Variants in OTUD7A observed in about 807,000 individuals in gnomAD.
OTUD7A encodes the protein OTU domain-containing protein 7A.
OTUD7A carries 12 observed loss-of-function variants against 65.7 expected under a neutral mutation model. The observed-to-expected ratio is 0.18, with a 90% CI of 0.12 to 0.30. The LOEUF (loss-of-function observed/expected upper bound fraction) is 0.30. OTUD7A is among the 10% of genes least tolerant of loss of function. The probability of loss-of-function intolerance (pLI) is 1.00; values close to 1 mark genes in which losing one functional copy is unlikely to be tolerated. For missense variants in OTUD7A, 1,148 were observed against 1,304.8 expected, an observed-to-expected ratio of 0.88 and a Z score of 1.85; for synonymous variants, 641 against 586.3, an observed-to-expected ratio of 1.09 and a Z score of -1.35.
intron 1 of OTUD7A, among the ~76,000 whole-genome samples, chr15:31,745,835 T>C (rs1229058438): frequency 1.3e-5 from 2 of 152,040 alleles, no homozygotes; most frequent in East Asian, 1.9e-4. Flanking sequence ...ATGGCAACAA[T>C]GAAAAGGCAG....
At chr15:31,674,379 T>C (rs1292172534) in intron 1 of OTUD7A, among the ~76,000 whole-genome samples, 2 of 152,100 alleles carry the variant, frequency 1.3e-5, no homozygotes, top group Non-Finnish European at 1.5e-5. Flanking sequence ...AAGACAGAAC[T>C]GACAGGAATG....
intron 1 of OTUD7A, among the ~76,000 whole-genome samples, chr15:31,820,549 A>G (rs1896652734): frequency 2.0e-5 from 3 of 152,186 alleles, no homozygotes; most frequent in Non-Finnish European, 4.4e-5. Flanking sequence ...TTTTAATCCT[A>G]GTAACAAGAC....
At chr15:31,795,866 C>T (rs1460779479) in intron 1 of OTUD7A, among the ~76,000 whole-genome samples, 4 of 152,148 alleles carry the variant, frequency 2.6e-5, no homozygotes, top group Admixed American at 6.5e-5. Flanking sequence ...CAAAGAAAGA[C>T]AGCACAGGAA....
intron 1 of OTUD7A, among the ~76,000 whole-genome samples, chr15:31,808,140 C>CACACACACAA (rs1272100227): frequency 0.012 from 1,739 of 140,278 alleles, 39 homozygotes; most frequent in Middle Eastern, 0.024. Context: ...CACACACAAA[C>CACACACACAA]AAATCCTCAC....
intron 3 of OTUD7A, among the ~76,000 whole-genome samples, chr15:31,576,665 T>C (rs1566927852): frequency 6.6e-6 from 1 of 152,184 alleles, no homozygotes; most frequent in African/African-American, 2.4e-5. Context: ...TCATGGACCA[T>C]TGGTCACTCA....
rs2041047565 is a variant in OTUD7A, at chr15:31,477,897, A to AGGGGGGGGGGGGGGGGGG, written c.*5396_*5397insCCCCCCCCCCCCCCCCCC. ...GATGCAGAGAGGTGGGTAGGGAGGG[A>AGGGGGGGGGGGGGGGGGG]GGGTGGGGTGTGTTGTCCTTTTAAA... On this transcript the variant is annotated 3_prime_UTR_variant, in exon 13 of 13. Transcript: ENST00000307050. 2.2e-5 allele frequency: 1 copy of AGGGGGGGGGGGGGGGGGG among 44,664 alleles called. No homozygotes were observed. Among genetic ancestry groups the AGGGGGGGGGGGGGGGGGG allele is most frequent in the Admixed American group, 2.9e-4 (1 of 3,494 alleles). The allele number at this position is 44,664 out of a possible 1,614,324, so 2.8% of individuals were successfully genotyped here.
intron 1 of OTUD7A, among the ~76,000 whole-genome samples, chr15:31,735,676 GA>G (rs1406294886): frequency 6.6e-6 from 1 of 152,124 alleles, no homozygotes; most frequent in Non-Finnish European, 1.5e-5. Context: ...CCTAAACATA[GA>G]AATATCATTC....
intron 1 of OTUD7A, among the ~76,000 whole-genome samples, chr15:31,830,084 C>A (rs2140982341): frequency 1.3e-5 from 2 of 152,330 alleles, no homozygotes; most frequent in South Asian, 4.1e-4. Flanking sequence ...TCACCACCAT[C>A]TGCTGCTTGC....
intron 1 of OTUD7A, among the ~76,000 whole-genome samples, chr15:31,740,296 C>T (rs1042736482): frequency 1.3e-5 from 2 of 152,110 alleles, no homozygotes; most frequent in Admixed American, 1.3e-4. Context: ...CTCGGGTTGC[C>T]GGAAGCCCCA....
intron 1 of OTUD7A, among the ~76,000 whole-genome samples, chr15:31,866,806 G>A (rs1205049957): frequency 2.6e-5 from 4 of 152,186 alleles, no homozygotes; most frequent in African/African-American, 9.7e-5. Flanking sequence ...AAGGTGAAGA[G>A]CCTGATTCAC....
intron 3 of OTUD7A, among the ~76,000 whole-genome samples, chr15:31,597,075 C>T (rs112148766): frequency 4.6e-5 from 7 of 150,934 alleles, no homozygotes; most frequent in African/African-American, 1.7e-4. Context: ...CAGGTGCATG[C>T]TATCATACCT....
intron 1 of OTUD7A, among the ~76,000 whole-genome samples, chr15:31,693,854 A>C (rs1439019949): frequency 1.3e-5 from 2 of 152,160 alleles, no homozygotes; most frequent in Non-Finnish European, 2.9e-5. Context: ...TGGTCTAAAA[A>C]GCCACCACAG....
chr15:31,619,874 G>T (rs1468533700), intron 3 of OTUD7A, among the ~76,000 whole-genome samples: 1 of 152,170 alleles, frequency 6.6e-6, no homozygotes, highest in Non-Finnish European at 1.5e-5. Context: ...TCCAGTTTTT[G>T]CCCATTCAGT....
At chr15:31,677,334 G>T (rs2625778) in intron 1 of OTUD7A, among the ~76,000 whole-genome samples, 2,656 of 152,154 alleles carry the variant, frequency 0.017, 54 homozygotes, top group African/African-American at 0.061. Context: ...GATTTGTGGG[G>T]ATGTTCATTT....
intron 8 of OTUD7A, among the ~76,000 whole-genome samples, chr15:31,505,050 T>C (rs1387916857): frequency 6.6e-6 from 1 of 152,184 alleles, no homozygotes; most frequent in East Asian, 1.9e-4. Context: ...GCTATTTTTA[T>C]ATTTTTTGTA....
intron 10 of OTUD7A, 98 bp downstream of exon 10, chr15:31,501,592 G>A (rs1595560137): frequency 1.3e-6 from 2 of 1,495,214 alleles, no homozygotes; most frequent in African/African-American, 2.8e-5. Flanking sequence ...TCTAAGGGGG[G>A]GTCTCCACAA....
chr15:31,542,023 T>C lies in OTUD7A; in HGVS notation c.551-11215A>G, dbSNP rs144667115. The stretch of plus-strand genomic sequence containing the variant: ...AGTAAGCCAAGAAATTAACCTAAAA[T>C]TGGTTCTAAGTACCAAAGGTAATTC... On this transcript the variant is annotated intron_variant, in intron 5 of 12. Coordinates refer to ENST00000307050, the MANE Select transcript of OTUD7A (RefSeq NM_001382637.1). Among the ~76,000 whole-genome samples, 4 of 152,186 alleles carry C rather than the reference T, an allele frequency of 2.6e-5. No individual in the cohort carries two copies. The East Asian group carries it at 7.7e-4, about 29-fold the overall frequency.
At chr15:31,718,928 C>T (rs1255907915) in intron 1 of OTUD7A, among the ~76,000 whole-genome samples, 1 of 151,204 alleles carries the variant, frequency 6.6e-6, no homozygotes, top group African/African-American at 2.4e-5. Flanking sequence ...ACTGTGTAAA[C>T]CCTCTGACTT....
chr15:31,732,564 G>C (rs532926852), intron 1 of OTUD7A, among the ~76,000 whole-genome samples: 1 of 152,358 alleles, frequency 6.6e-6, no homozygotes, highest in African/African-American at 2.4e-5. Flanking sequence ...GGTTCTTGGA[G>C]AAGTCTACTC....
Sources: allele counts gnomAD v4.1 joint callset (sites outside exome capture counted in the v4.1 genomes callset), GRCh38; gene constraint gnomAD v4.1.1; transcripts MANE v1.5; gene names NCBI Gene and HGNC (gene_info 2026-07-23, HGNC 2026-07-21).